ADGRL3: variants seen among roughly 807,000 people sequenced by gnomAD.
The protein encoded by ADGRL3 is adhesion G protein-coupled receptor L3.
A neutral mutation model predicts 153.5 loss-of-function variants in ADGRL3; 62 were observed. The observed-to-expected ratio is 0.40, with a 90% CI of 0.33 to 0.50. The LOEUF is 0.50. ADGRL3 is among the 20% of genes least tolerant of loss of function. The pLI, the probability that ADGRL3 is intolerant of heterozygous loss-of-function variation, is 0.47. For missense variants in ADGRL3, 1,641 were observed against 1,859.4 expected, an observed-to-expected ratio of 0.88 and a Z score of 2.16; for synonymous variants, 710 against 672.5, an observed-to-expected ratio of 1.06 and a Z score of -0.86.
At position 61,485,662 on chromosome 4, in the gene ADGRL3, T is replaced by A. The variant is rs187083335; in HGVS notation, c.-173-11459T>A. 4.7e-4 allele frequency among the ~76,000 whole-genome samples: 71 copies of A among 152,252 alleles called. No individual in the cohort carries two copies. The Middle Eastern group carries it at 0.01, about 22-fold the overall frequency. On this transcript the variant is annotated intron_variant, in intron 2 of 26. Transcript: ENST00000683033. The stretch of plus-strand genomic sequence containing the variant: ...TGTTCAAAGAAAGTGTAAGTAAATG[T>A]GTATTTTTTCCTTATCCACTGGAAG...
intron 8 of ADGRL3, among the ~76,000 whole-genome samples, chr4:61,758,232 G>C (rs955511996): frequency 2.9e-4 from 44 of 151,852 alleles, no homozygotes; most frequent in African/African-American, 9.9e-4. Flanking sequence ...TTCAATTCCT[G>C]GATATCCCTT....
At chr4:61,600,090 A>G (rs10003982) in intron 5 of ADGRL3, among the ~76,000 whole-genome samples, 92,158 of 151,844 alleles carry the variant, frequency 0.61, 28,451 homozygotes, top group East Asian at 0.87. Context: ...TGGGCAGATC[A>G]TGAGGTCAGG....
chr4:61,830,407 A>G (rs2097856005), intron 9 of ADGRL3, among the ~76,000 whole-genome samples: 1 of 152,118 alleles, frequency 6.6e-6, no homozygotes, highest in Non-Finnish European at 1.5e-5. Context: ...AAAAGAAGTA[A>G]TGTTCCCTGC....
intron 9 of ADGRL3, among the ~76,000 whole-genome samples, chr4:61,877,917 CTGA>C (rs1300263969): frequency 6.6e-6 from 1 of 152,206 alleles, no homozygotes; most frequent in Admixed American, 6.5e-5. Context: ...CTCATGAGAC[CTGA>C]TGATGATTTT....
chr4:61,494,018 A>G (rs989997195), intron 2 of ADGRL3, among the ~76,000 whole-genome samples: 2 of 151,536 alleles, frequency 1.3e-5, no homozygotes, highest in Non-Finnish European at 1.5e-5. Flanking sequence ...GTAGCATGTG[A>G]TAAGTACTTA....
At chr4:61,723,200 C>A (rs115365161) in intron 6 of ADGRL3, among the ~76,000 whole-genome samples, 1 of 152,124 alleles carries the variant, frequency 6.6e-6, no homozygotes, top group Admixed American at 6.6e-5. Context: ...AACAGCTTAT[C>A]TTTAGTAAAT....
chr4:61,732,667 T>C (rs1454644134), intron 7 of ADGRL3, 87 bp from the exon 8 acceptor site: 5 of 635,278 alleles, frequency 7.9e-6, no homozygotes, highest in Non-Finnish European at 1.2e-5. Flanking sequence ...CTTGTTAGAG[T>C]TGCATTCCAT....
intron 25 of ADGRL3, among the ~76,000 whole-genome samples, chr4:62,064,337 GA>G (rs1180221819): frequency 2.4e-3 from 336 of 141,982 alleles, no homozygotes; most frequent in Middle Eastern, 0.011. Flanking sequence ...TTGTATCTCA[GA>G]AAAAAAAAAA....
At position 61,286,653 on chromosome 4, in the gene ADGRL3, T is replaced by G. The variant is rs976260364; in HGVS notation, c.-240+84888T>G. Among the ~76,000 whole-genome samples the G allele has an allele frequency of 2.6e-5, 4 of 151,732 alleles. No individual in the cohort carries two copies. In the South Asian group the frequency reaches 6.2e-4, roughly 24 times the overall value. On this transcript the variant is annotated intron_variant, in intron 1 of 26. Transcript: ENST00000683033. ...TTAAATATAATAATTCAGTTTGACA[T>G]GATTTTTTTCCTTTTATATATCGAG... is the stretch of plus-strand genomic sequence containing the variant.
At chr4:61,354,999 C>T (rs968507123) in intron 1 of ADGRL3, among the ~76,000 whole-genome samples, 1 of 152,032 alleles carries the variant, frequency 6.6e-6, no homozygotes, top group African/African-American at 2.4e-5. Flanking sequence ...ATAATTTGTC[C>T]TTGGTCCTTT....
At chr4:61,599,933 A>G (rs1202940571) in intron 5 of ADGRL3, among the ~76,000 whole-genome samples, 1 of 152,314 alleles carries the variant, frequency 6.6e-6, no homozygotes, top group African/African-American at 2.4e-5. Context: ...AAAATGACTG[A>G]TATTTGTTAT....
At chr4:61,277,554 AACTG>A (rs947633851) in intron 1 of ADGRL3, among the ~76,000 whole-genome samples, 79 of 152,192 alleles carry the variant, frequency 5.2e-4, no homozygotes, top group African/African-American at 1.9e-3. Context: ...CTTGGTGTAG[AACTG>A]ACTAAAATCC....
intron 9 of ADGRL3, among the ~76,000 whole-genome samples, chr4:61,873,915 C>T (rs540566091): frequency 7.5e-4 from 114 of 152,066 alleles, no homozygotes; most frequent in Non-Finnish European, 1.3e-3. Flanking sequence ...CAAACTCACA[C>T]AAGAAAAGAA....
At chr4:61,299,059 TA>T in intron 1 of ADGRL3, among the ~76,000 whole-genome samples, 1 of 152,186 alleles carries the variant, frequency 6.6e-6, no homozygotes, top group Non-Finnish European at 1.5e-5. Flanking sequence ...AGCTTGCTTT[TA>T]AATACATAAT....
intron 8 of ADGRL3, among the ~76,000 whole-genome samples, chr4:61,781,056 G>T (rs2097207256): frequency 6.6e-6 from 1 of 152,098 alleles, no homozygotes; most frequent in African/African-American, 2.4e-5. Context: ...GCTGGGCATG[G>T]TGGCTCACGC....
At chr4:61,715,405 G>A (rs1580420526) in intron 6 of ADGRL3, among the ~76,000 whole-genome samples, 1 of 152,186 alleles carries the variant, frequency 6.6e-6, no homozygotes, top group Non-Finnish European at 1.5e-5. Context: ...TCAATGGTAA[G>A]TGGTGTGTGC....
intron 13 of ADGRL3, among the ~76,000 whole-genome samples, chr4:61,913,944 A>C (rs190573995): frequency 6.6e-6 from 1 of 152,276 alleles, no homozygotes; most frequent in Non-Finnish European, 1.5e-5. Flanking sequence ...TCTTGCAGCT[A>C]TCCCATTTGT....
intron 1 of ADGRL3, among the ~76,000 whole-genome samples, chr4:61,371,530 C>G (rs1469687202): frequency 6.6e-6 from 1 of 151,362 alleles, no homozygotes; most frequent in Non-Finnish European, 1.5e-5. Flanking sequence ...GTTGAAAATT[C>G]TTTTCTTTAA....
At chr4:61,832,378 C>CT in intron 9 of ADGRL3, among the ~76,000 whole-genome samples, 1 of 152,176 alleles carries the variant, frequency 6.6e-6, no homozygotes, top group East Asian at 1.9e-4. Context: ...CTGTGTCAGT[C>CT]TTTTTTCCAG....
Sources: allele counts gnomAD v4.1 joint callset (sites outside exome capture counted in the v4.1 genomes callset), GRCh38; gene constraint gnomAD v4.1.1; transcripts MANE v1.5; gene names NCBI Gene and HGNC (gene_info 2026-07-23, HGNC 2026-07-21).